The following PDXDC1 variants were observed in gnomAD, a reference collection of about 807,000 sequenced individuals.
PDXDC1 encodes the protein pyridoxal-dependent decarboxylase domain-containing protein 1.
In PDXDC1, 42 loss-of-function variants were observed where a neutral mutation model predicts 100.1. The ratio of observed to expected loss-of-function variants is 0.42; its 90% CI spans 0.33 to 0.54. PDXDC1 has a LOEUF of 0.54. Among genes scored for constraint, PDXDC1 ranks in the 20% least tolerant of loss-of-function variants. The pLI is 0.10. For missense variants in PDXDC1, 636 were observed against 979.2 expected, an observed-to-expected ratio of 0.65 and a Z score of 4.68; for synonymous variants, 260 against 371.7, an observed-to-expected ratio of 0.70 and a Z score of 3.46.
At chr16:15,053,545 TGTA>T (rs2044377146) in intron 16 of PDXDC1, among the ~76,000 whole-genome samples, 1 of 152,218 alleles carries the variant, frequency 6.6e-6, no homozygotes, top group Non-Finnish European at 1.5e-5. Context: ...AAAGAATGGT[TGTA>T]GTCATACTTT....
intron 16 of PDXDC1, chr16:15,086,483 A>G: frequency 1.2e-6 from 2 of 1,609,608 alleles, no homozygotes; most frequent in Non-Finnish European, 1.7e-6. Context: ...TACTTTCAAA[A>G]TCACAAATCC....
chr16:15,038,810 G>A (rs2043671156), downstream of PDXDC1: 1 of 595,464 alleles, frequency 1.7e-6, no homozygotes, highest in Admixed American at 3.3e-5. Flanking sequence ...CTTAAAACCT[G>A]TCTCAAATAA....
chr16:15,118,689 TAAAA>T (rs1311228933), intron 16 of PDXDC1, among the ~76,000 whole-genome samples: 2 of 149,546 alleles, frequency 1.3e-5, no homozygotes, highest in Non-Finnish European at 3.0e-5. Context: ...GCACAAAGGT[TAAAA>T]AAACTTATTT....
intron 16 of PDXDC1, among the ~76,000 whole-genome samples, chr16:15,064,995 T>C (rs1378563181): frequency 2.6e-5 from 4 of 151,892 alleles, no homozygotes; most frequent in Non-Finnish European, 5.9e-5. Context: ...TCAAACCCCG[T>C]CTCTACTAAA....
At chr16:15,042,718 C>CTATTTATTTATT (rs58123477), downstream of PDXDC1, among the ~76,000 whole-genome samples, 34,012 of 146,874 alleles carry the variant, frequency 0.23, 4,402 homozygotes, top group South Asian at 0.32. Context: ...AAAGGATGAA[C>CTATTTATTTATT]TATTTATTTA....
At chr16:15,089,660 G>T (rs147836252) in intron 16 of PDXDC1, among the ~76,000 whole-genome samples, 1 of 151,432 alleles carries the variant, frequency 6.6e-6, no homozygotes, top group Non-Finnish European at 1.5e-5. Flanking sequence ...ATTAGCTGGC[G>T]GTGGTGGCGG....
chr16:15,023,078 G>GCA (rs1159880822), intron 13 of PDXDC1, among the ~76,000 whole-genome samples: 1 of 152,288 alleles, frequency 6.6e-6, no homozygotes, highest in Non-Finnish European at 1.5e-5. Flanking sequence ...AAGGCCTTGG[G>GCA]CACACTCTTC....
intron 16 of PDXDC1, chr16:15,056,038 C>CCGCCGCCCCCGCCCCTCGGGCCGCG (rs2044505152): frequency 1.5e-6 from 1 of 671,114 alleles, no homozygotes; most frequent in African/African-American, 1.9e-5. Flanking sequence ...CCCGGGCCGC[C>CCGCCGCCCCCGCCCCTCGGGCCGCG]CGCCGCCCCC....
chr16:15,081,366 A>G (rs1206885352), intron 16 of PDXDC1, among the ~76,000 whole-genome samples: 1 of 152,146 alleles, frequency 6.6e-6, no homozygotes, highest in East Asian at 1.9e-4. Flanking sequence ...CCATTTCTCC[A>G]TATCCTTGTG....
At chr16:15,015,915 A>T in intron 8 of PDXDC1, 2 of 1,179,320 alleles carry the variant, frequency 1.7e-6, no homozygotes, top group Admixed American at 3.1e-5. Flanking sequence ...TGACACAATT[A>T]GATACATGTA....
downstream of PDXDC1, among the ~76,000 whole-genome samples, chr16:15,039,696 C>T (rs1251101684): frequency 1.3e-5 from 2 of 152,138 alleles, no homozygotes; most frequent in Admixed American, 1.3e-4. Flanking sequence ...TACAAAGTAA[C>T]AGAAGTTTGT....
chr16:15,024,466 G>T (rs1185632470), intron 13 of PDXDC1, among the ~76,000 whole-genome samples: 1 of 150,188 alleles, frequency 6.7e-6, no homozygotes, highest in Non-Finnish European at 1.5e-5. Context: ...GAGTGCAGTG[G>T]TGCGATCTTG....
chr16:15,041,579 C>G, downstream of PDXDC1: 1 of 1,422,390 alleles, frequency 7.0e-7, no homozygotes, highest in Non-Finnish European at 9.9e-7. Flanking sequence ...ACAAAACGGT[C>G]CTGAGACCCA....
chr16:15,147,483 G>C, the PDXDC1 span, among the ~76,000 whole-genome samples: 3 of 152,186 alleles, frequency 2.0e-5, no homozygotes, highest in African/African-American at 7.2e-5. Context: ...AGGGCTCAGC[G>C]CAGGGCCCGG....
At chr16:15,086,569 A>C in intron 16 of PDXDC1, 1 of 1,474,432 alleles carries the variant, frequency 6.8e-7, no homozygotes, top group Non-Finnish European at 9.1e-7. Flanking sequence ...AAGGTCACAA[A>C]CTTGGAAGGA....
intron 16 of PDXDC1, among the ~76,000 whole-genome samples, chr16:15,064,125 G>A (rs997223492): frequency 1.3e-5 from 2 of 151,972 alleles, no homozygotes; most frequent in Non-Finnish European, 2.9e-5. Context: ...GTTAAGGCTG[G>A]CCCAGTGGTT....
At chr16:15,149,539 C>T in the PDXDC1 span, among the ~76,000 whole-genome samples, 1 of 152,232 alleles carries the variant, frequency 6.6e-6, no homozygotes, top group African/African-American at 2.4e-5. Context: ...TCCAGAATGA[C>T]TGTCTTCCCC....
rs375597858 is a variant in PDXDC1, at chr16:15,035,612, G to A, written c.2107+59G>A. On this transcript the variant is annotated intron_variant, in intron 22 of 22. Coordinates refer to ENST00000396410, the MANE Select transcript of PDXDC1 (RefSeq NM_015027.4). ...AGGTTTCCCCTGTTGACTGTTACTTGCGTTTGTTTTCTGGGTTCTTGAACT... is the reference window on the plus strand; with the variant it reads ...AGGTTTCCCCTGTTGACTGTTACTTACGTTTGTTTTCTGGGTTCTTGAACT... 1.2e-5 allele frequency: 12 copies of A among 992,758 alleles called. No individual in the cohort carries two copies. In the East Asian group the frequency reaches 2.9e-4, roughly 24 times the overall value. The allele number at this position is 992,758 out of a possible 1,614,324, so 61.5% of individuals were successfully genotyped here. A position where few individuals can be genotyped will look rare whatever the true frequency, so the allele number is the denominator to read the frequency against.
chr16:14,996,402 C>T, intron 1 of PDXDC1: 1 of 427,322 alleles, frequency 2.3e-6, no homozygotes, highest in Non-Finnish European at 4.6e-6. Context: ...AACAAAAGAG[C>T]TATAACTTAT....
Sources: allele counts gnomAD v4.1 joint callset (sites outside exome capture counted in the v4.1 genomes callset), GRCh38; gene constraint gnomAD v4.1.1; transcripts MANE v1.5; gene names NCBI Gene and HGNC (gene_info 2026-07-23, HGNC 2026-07-21).